ELMOD1: variants seen among roughly 807,000 people sequenced by gnomAD.
The protein encoded by ELMOD1 is ELMO domain containing 1.
In ELMOD1, 21 loss-of-function variants were observed where a neutral mutation model predicts 46.7. The ratio of observed to expected loss-of-function variants is 0.45; its 90% CI spans 0.32 to 0.65. ELMOD1 has a LOEUF of 0.65. ELMOD1 is among the 30% of genes least tolerant of loss of function. ELMOD1 has a pLI of 0.04. For synonymous variants in ELMOD1, 122 were observed against 138.2 expected (o/e 0.88, Z 0.82); for missense variants, 348 against 407.8 (o/e 0.85, Z 1.26).
chr11:107,631,712 C>T, intron 5 of ELMOD1, 35 bp downstream of exon 5: 1 of 1,193,920 alleles, frequency 8.4e-7, no homozygotes, highest in Non-Finnish European at 1.2e-6. Flanking sequence ...AAATACAGAA[C>T]ACAAATCACA....
intron 1 of ELMOD1, among the ~76,000 whole-genome samples, chr11:107,607,660 C>T (rs1471915305): frequency 1.0e-5 from 1 of 95,290 alleles, no homozygotes; most frequent in Non-Finnish European, 1.9e-5. Flanking sequence ...CTGTCTAAAA[C>T]AAACAAACAA....
Position 107,666,320 on chromosome 11 carries a change from G to A in ELMOD1, c.*1123G>A, listed in dbSNP as rs1466675270. On this transcript the variant is annotated 3_prime_UTR_variant, in exon 12 of 12. Coordinates refer to ENST00000265840, the MANE Select transcript of ELMOD1 (RefSeq NM_018712.4). ...TCACTGCCTGCCTCTTGCGGAACTG[G>A]GTTACACCCTGGCACTGTTCTGATC... 6.6e-6 allele frequency: 1 copy of A among 152,152 alleles called. No homozygotes were observed. Among genetic ancestry groups the A allele is most frequent in the Non-Finnish European group, 1.5e-5 (1 of 68,014 alleles). 9.4% of individuals were successfully genotyped at this position (152,152 alleles called of 1,614,324 possible). A position where few individuals can be genotyped will look rare whatever the true frequency, so the allele number is the denominator to read the frequency against.
intron 9 of ELMOD1, 103 bp downstream of exon 9, chr11:107,651,011 G>A (rs1469395772): frequency 1.5e-6 from 1 of 689,198 alleles, no homozygotes; most frequent in Non-Finnish European, 2.1e-6. Context: ...GTTTCAAAAA[G>A]CCAACATTTT....
At chr11:107,634,822 T>C (rs1275808445) in intron 5 of ELMOD1, among the ~76,000 whole-genome samples, 1 of 152,220 alleles carries the variant, frequency 6.6e-6, no homozygotes, top group African/African-American at 2.4e-5. Context: ...AGATTTCTCT[T>C]TTCCCTAGAG....
At position 107,591,199 on chromosome 11, in the gene ELMOD1, C is replaced by CA. The variant is rs1865380118; in HGVS notation, c.-295dup. ...GGGTGCATCCCGGCTTGCTCCGCTC[C>CA]ACGCGACCCAGATTCCTGCCCCGCC... is the stretch of plus-strand genomic sequence containing the variant. On this transcript the variant is annotated 5_prime_UTR_variant, in exon 1 of 12. Coordinates refer to ENST00000265840, the MANE Select transcript of ELMOD1 (RefSeq NM_018712.4). The CA allele has an allele frequency of 6.6e-6, 1 of 152,590 alleles. No homozygotes were observed. Among genetic ancestry groups the CA allele is most frequent in the Non-Finnish European group, 1.5e-5 (1 of 68,460 alleles). The allele number at this position is 152,590 out of a possible 1,614,324, so 9.5% of individuals were successfully genotyped here. A position where few individuals can be genotyped will look rare whatever the true frequency, so the allele number is the denominator to read the frequency against.
chr11:107,597,933 A>G (rs1865521103), intron 1 of ELMOD1, among the ~76,000 whole-genome samples: 1 of 152,192 alleles, frequency 6.6e-6, no homozygotes, highest in Non-Finnish European at 1.5e-5. Flanking sequence ...ATAAAATTGC[A>G]CAGCACACCT....
At chr11:107,655,376 C>T (rs141821723) in intron 10 of ELMOD1, among the ~76,000 whole-genome samples, 2,053 of 151,972 alleles carry the variant, frequency 0.014, 40 homozygotes, top group African/African-American at 0.041. Context: ...TTGTCCACTT[C>T]GGATTTTTTT....
rs1273207039 is a variant in ELMOD1 at position 107,591,327 on chromosome 11, G to A, written c.-168G>A. The stretch of plus-strand genomic sequence containing the variant: ...GTCGCTCGCCGCCGCGGAGCGCGTA[G>A]CCGGAGCGCCTGGGGAAGGCGGAGA... On this transcript the variant is annotated 5_prime_UTR_variant, in exon 1 of 12. Transcript: ENST00000265840. The A allele has an allele frequency of 1.3e-5, 2 of 152,302 alleles. No homozygotes were observed. The highest frequency in any genetic ancestry group is 2.9e-5 in the Non-Finnish European group (2 of 68,186). The allele number at this position is 152,302 out of a possible 1,614,324, so 9.4% of individuals were successfully genotyped here. A position where few individuals can be genotyped will look rare whatever the true frequency, so the allele number is the denominator to read the frequency against.
At chr11:107,606,830 C>A (rs1435998054) in intron 1 of ELMOD1, among the ~76,000 whole-genome samples, 1 of 151,776 alleles carries the variant, frequency 6.6e-6, no homozygotes, top group Non-Finnish European at 1.5e-5. Context: ...AAAAAAAAAA[C>A]CTACATCGGT....
At chr11:107,638,991 T>G (rs1565383412) in intron 6 of ELMOD1, among the ~76,000 whole-genome samples, 1 of 151,692 alleles carries the variant, frequency 6.6e-6, no homozygotes, top group Non-Finnish European at 1.5e-5. Flanking sequence ...CACAAAAAAT[T>G]TTTTAATAAA....
intron 2 of ELMOD1, among the ~76,000 whole-genome samples, chr11:107,628,480 C>T (rs377614304): frequency 1.3e-5 from 2 of 152,042 alleles, no homozygotes; most frequent in South Asian, 2.1e-4. Flanking sequence ...GTTTTATAAA[C>T]CTTCTCACTT....
intron 1 of ELMOD1, among the ~76,000 whole-genome samples, chr11:107,611,029 G>C (rs547392441): frequency 6.8e-6 from 1 of 147,206 alleles, no homozygotes; most frequent in Admixed American, 6.8e-5. Flanking sequence ...AAAACCTAGG[G>C]AACATCATTC....
chr11:107,591,319 A>T lies in ELMOD1; in HGVS notation c.-176A>T, dbSNP rs1865384681. On this transcript the variant is annotated 5_prime_UTR_variant, in exon 1 of 12. Transcript: ENST00000265840. ...CCGAGCGCGTCGCTCGCCGCCGCGG[A>T]GCGCGTAGCCGGAGCGCCTGGGGAA... The T allele has an allele frequency of 6.6e-6, 1 of 152,180 alleles. No homozygotes were observed. Among genetic ancestry groups the T allele is most frequent in the Non-Finnish European group, 1.5e-5 (1 of 68,146 alleles). The allele number at this position is 152,180 out of a possible 1,614,324, so 9.4% of individuals were successfully genotyped here.
chr11:107,646,942 T>TAATC (rs1866437124), intron 6 of ELMOD1, among the ~76,000 whole-genome samples: 1 of 125,532 alleles, frequency 8.0e-6, no homozygotes, highest in South Asian at 2.7e-4. Flanking sequence ...ATTATCTATC[T>TAATC]AATCTATCTA....
intron 1 of ELMOD1, among the ~76,000 whole-genome samples, chr11:107,594,946 A>C (rs994474014): frequency 3.3e-5 from 5 of 152,180 alleles, no homozygotes; most frequent in African/African-American, 1.2e-4. Flanking sequence ...ATTCCAAAAA[A>C]CTGGCACACC....
intron 1 of ELMOD1, among the ~76,000 whole-genome samples, chr11:107,597,504 C>G (rs936949556): frequency 1.3e-5 from 2 of 152,090 alleles, no homozygotes; most frequent in Non-Finnish European, 2.9e-5. Flanking sequence ...GCATTTTGGG[C>G]CACCTATCAA....
rs117713140 is a variant in ELMOD1 at position 107,647,701 on chromosome 11, A to G, written c.554+100A>G. 0.021 allele frequency: 26,221 copies of G among 1,238,254 alleles called. 374 individuals are homozygous for G. The highest frequency in any genetic ancestry group is 0.022 in the Non-Finnish European group (20,874 of 934,822). 76.7% of individuals were successfully genotyped at this position (1,238,254 alleles called of 1,614,324 possible). On this transcript the variant is annotated intron_variant, in intron 7 of 11. Transcript: ENST00000265840. ...TAATTAGCTTCAAAAGGTACTTCCC[A>G]TAAGACTCAAAGAAAACATTCAAGT... is the stretch of plus-strand genomic sequence containing the variant.
Position 107,665,301 on chromosome 11 carries a change from A to G in ELMOD1, c.*104A>G. 3.5e-6 allele frequency: 4 copies of G among 1,140,204 alleles called. No individual in the cohort carries two copies. The highest frequency in any genetic ancestry group is 5.1e-6 in the Non-Finnish European group (4 of 790,924). The allele number at this position is 1,140,204 out of a possible 1,614,324, so 70.6% of individuals were successfully genotyped here. On this transcript the variant is annotated 3_prime_UTR_variant, in exon 12 of 12. Transcript: ENST00000265840. ...CGCATTGAATGCACACAGTGATTGT[A>G]TGCATGCCTTTTGGTACAGTGTTTT...
At chr11:107,635,866 G>T (rs959370321) in intron 6 of ELMOD1, 101 bp downstream of exon 6, 92 of 1,254,242 alleles carry the variant, frequency 7.3e-5, no homozygotes, top group Non-Finnish European at 9.7e-5. Flanking sequence ...GGGGTACAAA[G>T]ATGGATCAGA....
Sources: gnomAD v4.1 joint callset for allele counts (sites outside exome capture counted in the v4.1 genomes callset) on GRCh38, gnomAD v4.1.1 for gene constraint, MANE v1.5 for transcripts, NCBI Gene and HGNC (gene_info 2026-07-23, HGNC 2026-07-21) for gene names.